SLC14A2: variants seen among roughly 807,000 people sequenced by gnomAD.
SLC14A2 encodes urea transporter 2.
In SLC14A2, 91 loss-of-function variants were observed where a neutral mutation model predicts 104.6. The ratio of observed to expected loss-of-function variants is 0.87; its 90% confidence interval spans 0.73 to 1.04. The LOEUF is 1.04. Among genes scored for constraint, SLC14A2 ranks in the 50% least tolerant of loss-of-function variants. The probability of loss-of-function intolerance (pLI) is 0.00; values close to 1 mark genes in which losing one functional copy is unlikely to be tolerated. For synonymous variants in SLC14A2, 476 were observed against 466.4 expected (o/e 1.02, Z -0.27); for missense variants, 1,189 against 1,156.0 (o/e 1.03, Z -0.41).
At chr18:45,672,421 C>T (rs1187852747) in intron 16 of SLC14A2, among the ~76,000 whole-genome samples, 4 of 151,780 alleles carry the variant, frequency 2.6e-5, no homozygotes, top group Non-Finnish European at 5.9e-5. Flanking sequence ...CCCAGCTACT[C>T]GGGAGGCTGA....
At chr18:45,376,910 C>T (rs372471766) in intron 1 of SLC14A2, among the ~76,000 whole-genome samples, 4 of 152,290 alleles carry the variant, frequency 2.6e-5, no homozygotes, top group African/African-American at 7.2e-5. Flanking sequence ...ACTTTCTACC[C>T]ATTTCTTCCT....
intron 1 of SLC14A2, among the ~76,000 whole-genome samples, chr18:45,458,115 G>T (rs192337002): frequency 6.8e-4 from 103 of 152,322 alleles, no homozygotes; most frequent in Admixed American, 6.7e-3. Flanking sequence ...ATCCCTGAAG[G>T]GAGATAGACA....
intron 1 of SLC14A2, among the ~76,000 whole-genome samples, chr18:45,622,888 G>A (rs1303421998): frequency 2.6e-5 from 4 of 152,162 alleles, no homozygotes; most frequent in Admixed American, 1.3e-4. Context: ...TTCACCTGAG[G>A]ACAGCAATCC....
chr18:45,310,506 TTTGGCAG>T (rs2085067908), intron 1 of SLC14A2, among the ~76,000 whole-genome samples: 1 of 152,236 alleles, frequency 6.6e-6, no homozygotes, highest in Non-Finnish European at 1.5e-5. Flanking sequence ...ATACAAACTC[TTTGGCAG>T]GAGTTAGAAT....
chr18:45,479,984 T>C (rs1029451788), intron 1 of SLC14A2, among the ~76,000 whole-genome samples: 6 of 152,166 alleles, frequency 3.9e-5, no homozygotes, highest in Admixed American at 2.0e-4. Context: ...GTGGATGGCC[T>C]TCCCCAAGAA....
intron 2 of SLC14A2, among the ~76,000 whole-genome samples, chr18:45,494,812 T>C (rs937088679): frequency 2.6e-5 from 4 of 152,056 alleles, no homozygotes; most frequent in African/African-American, 9.7e-5. Context: ...CACTCCCCTC[T>C]GTTAGTCTAC....
intron 1 of SLC14A2, among the ~76,000 whole-genome samples, chr18:45,419,045 C>T (rs1480920310): frequency 6.6e-6 from 1 of 152,160 alleles, no homozygotes; most frequent in African/African-American, 2.4e-5. Flanking sequence ...TTTGATTTCT[C>T]AAGATTTAAT....
chr18:45,286,718 T>TTGTGTGTGTGTGTGTG lies in SLC14A2; in HGVS notation c.-125+73531_-125+73546dup, dbSNP rs112827861. On this transcript the variant is annotated intron_variant, in intron 1 of 20. Coordinates refer to the SLC14A2 transcript ENST00000586448. ...CACACTCTCTCTCACTCCCCCCAAC[T>TTGTGTGTGTGTGTGTG]TGTGTGTGTGTGTGTGTGTCTGTGT... Among the ~76,000 whole-genome samples the TTGTGTGTGTGTGTGTG allele has an allele frequency of 7.4e-3, 1,121 of 150,710 alleles. 19 individuals carry two copies. The highest frequency in any genetic ancestry group is 0.023 in the African/African-American group (939 of 40,904).
chr18:45,218,418 A>G (rs1163722809), intron 1 of SLC14A2, among the ~76,000 whole-genome samples: 1 of 152,200 alleles, frequency 6.6e-6, no homozygotes, highest in African/African-American at 2.4e-5. Flanking sequence ...CCTCAAGTTG[A>G]TGAAGAAGAT....
At chr18:45,409,476 C>A (rs2086191431) in intron 1 of SLC14A2, among the ~76,000 whole-genome samples, 1 of 152,126 alleles carries the variant, frequency 6.6e-6, no homozygotes, top group Non-Finnish European at 1.5e-5. Flanking sequence ...TATTTATTAG[C>A]AAACCTTTTG....
upstream of SLC14A2, among the ~76,000 whole-genome samples, chr18:45,613,216 AG>A (rs1405079544): frequency 6.6e-6 from 1 of 151,924 alleles, no homozygotes; most frequent in Non-Finnish European, 1.5e-5. Flanking sequence ...TTGTATTTTT[AG>A]TAGAGATGGG....
intron 1 of SLC14A2, among the ~76,000 whole-genome samples, chr18:45,465,464 C>T (rs2087123360): frequency 6.6e-6 from 1 of 152,172 alleles, no homozygotes. Flanking sequence ...AGGGCATGGG[C>T]CAGTAGTCCA....
chr18:45,522,754 T>C (rs903016091), intron 2 of SLC14A2, among the ~76,000 whole-genome samples: 3 of 152,218 alleles, frequency 2.0e-5, no homozygotes, highest in African/African-American at 7.2e-5. Flanking sequence ...GATTTCTGTT[T>C]GCTTGCTTGC....
At chr18:45,177,031 T>G in the SLC14A2 span, among the ~76,000 whole-genome samples, 1 of 152,274 alleles carries the variant, frequency 6.6e-6, no homozygotes, top group Non-Finnish European at 1.5e-5. Flanking sequence ...AAACTATTTT[T>G]TAAACTTATC....
chr18:45,656,187 A>G (rs1467547291), intron 10 of SLC14A2, among the ~76,000 whole-genome samples: 1 of 152,226 alleles, frequency 6.6e-6, no homozygotes, highest in East Asian at 1.9e-4. Context: ...CTGCAAATAC[A>G]ATGGGAATTC....
intron 10 of SLC14A2, among the ~76,000 whole-genome samples, chr18:45,651,290 AT>A (rs1300409449): frequency 2.6e-5 from 4 of 152,202 alleles, no homozygotes. Flanking sequence ...AAAGGAGGGC[AT>A]GCCAAGATGA....
At chr18:45,312,973 A>G (rs1234145687) in intron 1 of SLC14A2, among the ~76,000 whole-genome samples, 1 of 152,210 alleles carries the variant, frequency 6.6e-6, no homozygotes, top group Non-Finnish European at 1.5e-5. Context: ...GATGGAGGAC[A>G]TACATGGTGC....
intron 1 of SLC14A2, among the ~76,000 whole-genome samples, chr18:45,220,538 G>T (rs1282075191): frequency 6.8e-6 from 1 of 147,642 alleles, no homozygotes; most frequent in Non-Finnish European, 1.5e-5. Flanking sequence ...CCCTAAATGA[G>T]TCTACAGTGA....
intron 1 of SLC14A2, among the ~76,000 whole-genome samples, chr18:45,342,633 T>G (rs1335484263): frequency 6.6e-6 from 1 of 152,198 alleles, no homozygotes; most frequent in Non-Finnish European, 1.5e-5. Context: ...TTATTGCTAG[T>G]GTCTTGCAGA....
Sources: allele counts gnomAD v4.1 joint callset (sites outside exome capture counted in the v4.1 genomes callset), GRCh38; gene constraint gnomAD v4.1.1; transcripts MANE v1.5; gene names NCBI Gene and HGNC (gene_info 2026-07-23, HGNC 2026-07-21).